MYO9A: variants seen among roughly 807,000 people sequenced by gnomAD.
MYO9A encodes the protein myosin IXA.
MYO9A carries 103 observed loss-of-function variants against 293.3 expected under a neutral mutation model. That is an observed-to-expected ratio of 0.35 (90% CI 0.30 to 0.41). The LOEUF is 0.41. Among genes scored for constraint, MYO9A ranks in the 10% least tolerant of loss-of-function variants. The probability of loss-of-function intolerance (pLI) is 1.00; values close to 1 mark genes in which losing one functional copy is unlikely to be tolerated. For synonymous variants in MYO9A, 1,001 were observed against 1,035.7 expected, an observed-to-expected ratio of 0.97 and a Z score of 0.64; for missense variants, 2,685 against 3,033.0, an observed-to-expected ratio of 0.89 and a Z score of 2.69.
chr15:71,872,856 CT>C (rs1351040750), intron 32 of MYO9A, among the ~76,000 whole-genome samples: 11 of 151,402 alleles, frequency 7.3e-5, no homozygotes, highest in South Asian at 2.1e-4. Flanking sequence ...AGCCCTTGTA[CT>C]TTTTTTCTTT....
intron 7 of MYO9A, among the ~76,000 whole-genome samples, chr15:72,009,054 G>A (rs1483789591): frequency 1.3e-5 from 2 of 151,804 alleles, no homozygotes; most frequent in Admixed American, 6.6e-5. Context: ...AATCATTCAC[G>A]TGACTCACAG....
At chr15:72,105,568 C>T (rs902198077) in intron 1 of MYO9A, among the ~76,000 whole-genome samples, 1 of 139,904 alleles carries the variant, frequency 7.1e-6, no homozygotes, top group Non-Finnish European at 1.5e-5. Context: ...AGCACAATGG[C>T]ATGATCTTGG....
chr15:71,920,055 C>T (rs2058115829), intron 18 of MYO9A, among the ~76,000 whole-genome samples: 1 of 151,968 alleles, frequency 6.6e-6, no homozygotes, highest in Non-Finnish European at 1.5e-5. Flanking sequence ...ATAATTCAAT[C>T]ATGCATAAGG....
chr15:71,875,132 T>C (rs140965022), intron 32 of MYO9A, among the ~76,000 whole-genome samples: 130 of 152,112 alleles, frequency 8.5e-4, no homozygotes, highest in African/African-American at 3.0e-3. Context: ...GTGATATATA[T>C]TTTGTATCTA....
At position 71,823,572 on chromosome 15, in the gene MYO9A, A is replaced by T. The variant is rs938305173; in HGVS notation, c.*3008T>A. 6.6e-6 allele frequency: 1 copy of T among 152,234 alleles called. No homozygotes were observed. Among genetic ancestry groups the T allele is most frequent in the Non-Finnish European group, 1.5e-5 (1 of 68,042 alleles). 9.4% of individuals were successfully genotyped at this position (152,234 alleles called of 1,614,324 possible). ...GGCAGGAGGTACAAAGTACGTTGTA[A>T]ACTAAGCCTCCCTGAATCCTGCTGT... On this transcript the variant is annotated 3_prime_UTR_variant, in exon 42 of 42. Coordinates refer to ENST00000356056, the MANE Select transcript of MYO9A (RefSeq NM_006901.4).
At chr15:71,894,818 C>A (rs2057278190) in intron 25 of MYO9A, among the ~76,000 whole-genome samples, 1 of 152,120 alleles carries the variant, frequency 6.6e-6, no homozygotes, top group African/African-American at 2.4e-5. Context: ...ACCTTCATGG[C>A]CCCAATTACC....
intron 14 of MYO9A, among the ~76,000 whole-genome samples, chr15:71,953,190 C>G (rs928748856): frequency 6.6e-6 from 1 of 152,172 alleles, no homozygotes; most frequent in African/African-American, 2.4e-5. Flanking sequence ...AACATCATTT[C>G]TTACTCAAAA....
At chr15:71,932,978 C>G (rs911982386) in intron 18 of MYO9A, among the ~76,000 whole-genome samples, 1 of 150,628 alleles carries the variant, frequency 6.6e-6, no homozygotes, top group African/African-American at 2.4e-5. Flanking sequence ...ACAAACAAAG[C>G]AAAATGAAAC....
chr15:71,869,893 T>TA (rs1425268050), intron 32 of MYO9A, among the ~76,000 whole-genome samples: 1 of 152,190 alleles, frequency 6.6e-6, no homozygotes, highest in Non-Finnish European at 1.5e-5. Context: ...GGCATGAACT[T>TA]GTTGTGGAAA....
chr15:71,881,748 AAC>A (rs2056880085), intron 28 of MYO9A, among the ~76,000 whole-genome samples: 1 of 152,226 alleles, frequency 6.6e-6, no homozygotes, highest in Non-Finnish European at 1.5e-5. Context: ...TTATGAAGCA[AAC>A]ACACAACAAA....
At chr15:72,019,595 T>C (rs1413570077) in intron 5 of MYO9A, among the ~76,000 whole-genome samples, 1 of 152,188 alleles carries the variant, frequency 6.6e-6, no homozygotes, top group Admixed American at 6.5e-5. Flanking sequence ...AAATTAATAA[T>C]ATTATATCAG....
intron 1 of MYO9A, among the ~76,000 whole-genome samples, chr15:72,096,698 T>G (rs140432317): frequency 1.3e-5 from 2 of 152,326 alleles, no homozygotes; most frequent in African/African-American, 4.8e-5. Flanking sequence ...CCCTTATGGA[T>G]CTGGGCAAGG....
intron 18 of MYO9A, among the ~76,000 whole-genome samples, chr15:71,919,793 G>A (rs1191844772): frequency 1.6e-5 from 2 of 128,408 alleles, no homozygotes; most frequent in Admixed American, 1.0e-4. Flanking sequence ...AGGGAGCTGA[G>A]ATCGCACCAC....
intron 20 of MYO9A, 84 bp from the exon 21 acceptor site, chr15:71,904,123 T>C: frequency 9.4e-7 from 1 of 1,059,998 alleles, no homozygotes; most frequent in Non-Finnish European, 1.4e-6. Flanking sequence ...AACTGTTGAG[T>C]ATCTAGAGAT....
At chr15:71,870,876 C>G (rs2056489604) in intron 32 of MYO9A, among the ~76,000 whole-genome samples, 1 of 152,054 alleles carries the variant, frequency 6.6e-6, no homozygotes, top group African/African-American at 2.4e-5. Flanking sequence ...GTTGGTTGAA[C>G]CCATGGATGT....
At chr15:71,978,425 TG>T in intron 11 of MYO9A, 133 bp from the exon 12 acceptor site, 1 of 666,060 alleles carries the variant, frequency 1.5e-6, no homozygotes, top group Non-Finnish European at 2.3e-6. Context: ...AATGAAAGAA[TG>T]TATAATTTCA....
chr15:72,098,838 A>G (rs1398282618), intron 1 of MYO9A, among the ~76,000 whole-genome samples: 5 of 151,910 alleles, frequency 3.3e-5, no homozygotes, highest in Non-Finnish European at 5.9e-5. Flanking sequence ...AAAACAAAAC[A>G]AACTGCTGTG....
chr15:71,905,659 C>T (rs1028150392), intron 19 of MYO9A, among the ~76,000 whole-genome samples: 7 of 148,282 alleles, frequency 4.7e-5, no homozygotes, highest in East Asian at 2.0e-4. Context: ...TGGTGGTGCC[C>T]GGCTGAGGCA....
chr15:72,008,436 G>GGTGTGTGTGTGTGTGT (rs57267628), intron 7 of MYO9A, among the ~76,000 whole-genome samples: 35 of 138,830 alleles, frequency 2.5e-4, no homozygotes, highest in Admixed American at 4.4e-4. Context: ...GAGGTAAATG[G>GGTGTGTGTGTGTGTGT]GTGTGTGTGT....
Sources: gnomAD v4.1 joint callset for allele counts (sites outside exome capture counted in the v4.1 genomes callset) on GRCh38, gnomAD v4.1.1 for gene constraint, MANE v1.5 for transcripts, NCBI Gene and HGNC (gene_info 2026-07-23, HGNC 2026-07-21) for gene names.